PRKAR1B: variants seen among roughly 807,000 people sequenced by gnomAD.
PRKAR1B encodes the protein protein kinase cAMP-dependent type I regulatory subunit beta.
PRKAR1B carries 22 observed loss-of-function variants against 46.5 expected under a neutral mutation model. The observed-to-expected ratio is 0.47, with a 90% CI of 0.34 to 0.68. PRKAR1B has a LOEUF of 0.68. Ranked by LOEUF, PRKAR1B falls within the 30% of genes least tolerant of loss-of-function variation. The pLI is 0.01. For synonymous variants in PRKAR1B, 259 were observed against 217.7 expected, an observed-to-expected ratio of 1.19 and a Z score of -1.67; for missense variants, 445 against 535.6, an observed-to-expected ratio of 0.83 and a Z score of 1.67.
At chr7:601,966 G>A (rs1488402689) in intron 6 of PRKAR1B, among the ~76,000 whole-genome samples, 1 of 152,046 alleles carries the variant, frequency 6.6e-6, no homozygotes, top group Non-Finnish European at 1.5e-5. Context: ...GGAGGGATTT[G>A]CCAGGACAAT....
At chr7:651,568 G>T (rs968876445) in intron 4 of PRKAR1B, among the ~76,000 whole-genome samples, 2 of 150,632 alleles carry the variant, frequency 1.3e-5, no homozygotes, top group African/African-American at 2.5e-5. Context: ...CCTGTCAGAA[G>T]ACAGTTCACA....
rs542244969 is a variant in PRKAR1B, at chr7:555,958, G to A, written c.892-4488C>T. ...ATGCATGACCAGATGCCCCCGCTCC[G>A]GGGACTCAGCCAGGTACAAGCCGTC... On this transcript the variant is annotated intron_variant, in intron 9 of 10. Transcript: ENST00000537384. Among the ~76,000 whole-genome samples, 10 of 152,268 alleles carry A rather than the reference G, an allele frequency of 6.6e-5. 1 individual carries two copies. The highest frequency in any genetic ancestry group is 4.2e-4 in the South Asian group (2 of 4,816).
At chr7:626,578 G>T (rs926052478) in intron 4 of PRKAR1B, among the ~76,000 whole-genome samples, 3 of 151,788 alleles carry the variant, frequency 2.0e-5, no homozygotes, top group Non-Finnish European at 2.9e-5. Context: ...TATTTAGGAA[G>T]AAATAATACC....
chr7:577,991 G>A (rs1213879989), intron 9 of PRKAR1B, among the ~76,000 whole-genome samples: 2 of 152,232 alleles, frequency 1.3e-5, no homozygotes, highest in African/African-American at 2.4e-5. Flanking sequence ...TCTGGTTAAG[G>A]GTGGTAATTT....
intron 4 of PRKAR1B, among the ~76,000 whole-genome samples, chr7:663,918 T>C (rs553856112): frequency 4.5e-4 from 68 of 152,160 alleles, no homozygotes; most frequent in Non-Finnish European, 8.8e-4. Context: ...GGGCCTGGTC[T>C]CAGGAGGGCT....
intron 1 of PRKAR1B, 143 bp downstream of exon 1, chr7:727,067 G>T (rs1321440198): frequency 9.5e-7 from 1 of 1,056,156 alleles, no homozygotes; most frequent in Non-Finnish European, 1.1e-6. Flanking sequence ...GCCCTGCCGC[G>T]CCTGCTGCCC....
At chr7:709,444 C>T (rs1780508706) in intron 2 of PRKAR1B, among the ~76,000 whole-genome samples, 1 of 149,418 alleles carries the variant, frequency 6.7e-6, no homozygotes, top group Non-Finnish European at 1.5e-5. Context: ...CATCCTGGCT[C>T]ACTGCAAGCT....
intron 4 of PRKAR1B, among the ~76,000 whole-genome samples, chr7:620,009 C>A (rs983765355): frequency 1.4e-5 from 2 of 145,108 alleles, no homozygotes; most frequent in Non-Finnish European, 3.0e-5. Context: ...TGCCATCATA[C>A]CCAGCTACTT....
Position 572,997 on chromosome 7 carries a change from C to T in PRKAR1B, c.891+6259G>A, listed in dbSNP as rs185395173. ...GCCACGAGGGCAGCCACTGAGCCTC[C>T]AGCGCCTGCCGAGAAGCCGCCCCAC... is the stretch of plus-strand genomic sequence containing the variant. On this transcript the variant is annotated intron_variant, in intron 9 of 10. Coordinates refer to ENST00000537384, the MANE Select transcript of PRKAR1B (RefSeq NM_001164760.2). Among the ~76,000 whole-genome samples, 113 of 152,294 alleles carry T rather than the reference C, an allele frequency of 7.4e-4. 3 individuals are homozygous for T. The East Asian group carries it at 0.016, about 21-fold the overall frequency.
At chr7:687,598 G>A (rs1779160991) in intron 2 of PRKAR1B, among the ~76,000 whole-genome samples, 1 of 152,204 alleles carries the variant, frequency 6.6e-6, no homozygotes, top group Admixed American at 6.5e-5. Flanking sequence ...TCCAGTTTAT[G>A]TGAATTCGAG....
intron 2 of PRKAR1B, among the ~76,000 whole-genome samples, chr7:701,532 T>C (rs1780069794): frequency 6.6e-6 from 1 of 151,940 alleles, no homozygotes; most frequent in African/African-American, 2.4e-5. Flanking sequence ...AGATTCAAGA[T>C]CAAAGGAAAA....
At chr7:655,502 C>A (rs1320798915) in intron 4 of PRKAR1B, among the ~76,000 whole-genome samples, 1 of 152,224 alleles carries the variant, frequency 6.6e-6, no homozygotes, top group Non-Finnish European at 1.5e-5. Context: ...AGGCCCCCCT[C>A]CAAAACTGCA....
intron 1 of PRKAR1B, among the ~76,000 whole-genome samples, chr7:717,293 AAAAGAAAG>A (rs1017406000): frequency 6.7e-6 from 1 of 150,072 alleles, no homozygotes; most frequent in Non-Finnish European, 1.5e-5. Context: ...CAGTCTCAAA[AAAAGAAAG>A]AAAGAAAGAG....
chr7:667,512 G>T lies in PRKAR1B; in HGVS notation c.440+9717C>A, dbSNP rs566557898. 2.6e-5 allele frequency among the ~76,000 whole-genome samples: 4 copies of T among 152,310 alleles called. No homozygotes were observed. In the South Asian group the frequency reaches 8.3e-4, roughly 32 times the overall value. ...CACTCCAGCCCAACACCTGTGTGAT[G>T]GGAACTCCTGGTCCTGTCTCACCCC... On this transcript the variant is annotated intron_variant, in intron 4 of 10. Transcript: ENST00000537384. The surrounding 1 kb of genome is among the most constrained non-coding windows in gnomAD (Gnocchi z 4.3).
At chr7:559,211 C>T (rs1006463605) in intron 9 of PRKAR1B, among the ~76,000 whole-genome samples, 7 of 152,170 alleles carry the variant, frequency 4.6e-5, no homozygotes, top group African/African-American at 9.7e-5. Context: ...AGGTGCCTGA[C>T]GCCAGGAGAG....
At chr7:656,408 TATGAATGGATAGATAA>T (rs1224657261) in intron 4 of PRKAR1B, among the ~76,000 whole-genome samples, 1 of 152,052 alleles carries the variant, frequency 6.6e-6, no homozygotes, top group East Asian at 1.9e-4. Flanking sequence ...GAAATGAATG[TATGAATGGATAGATAA>T]ATGAATGGAT....
chr7:615,114 A>T (rs1271054419), intron 4 of PRKAR1B, among the ~76,000 whole-genome samples: 4 of 151,714 alleles, frequency 2.6e-5, no homozygotes, highest in African/African-American at 9.7e-5. Flanking sequence ...AGGCAGAAAG[A>T]AAGAGTGAGA....
chr7:617,532 C>G (rs1416351234), intron 4 of PRKAR1B, among the ~76,000 whole-genome samples: 1 of 152,174 alleles, frequency 6.6e-6, no homozygotes, highest in Non-Finnish European at 1.5e-5. Context: ...TTGGGCACAA[C>G]CTATTGCTTA....
At chr7:642,702 C>A (rs1412985760) in intron 4 of PRKAR1B, among the ~76,000 whole-genome samples, 1 of 149,072 alleles carries the variant, frequency 6.7e-6, no homozygotes, top group African/African-American at 2.5e-5. Context: ...CACTGCACTC[C>A]AGCCTGGGCG....
Sources: allele counts gnomAD v4.1 joint callset (sites outside exome capture counted in the v4.1 genomes callset), GRCh38; gene constraint gnomAD v4.1.1; non-coding constraint Gnocchi (gnomAD v3.1); transcripts MANE v1.5; gene names NCBI Gene and HGNC (gene_info 2026-07-23, HGNC 2026-07-21).